EPHA5: variants seen among roughly 807,000 people sequenced by gnomAD.
EPHA5 encodes the protein EPH receptor A5.
A neutral mutation model predicts 105.0 loss-of-function variants in EPHA5; 60 were observed. The observed-to-expected ratio is 0.57, with a 90% CI of 0.46 to 0.71. The LOEUF (loss-of-function observed/expected upper bound fraction) is 0.71. Among genes scored for constraint, EPHA5 ranks in the 30% least tolerant of loss-of-function variants. The probability of loss-of-function intolerance (pLI) is 0.00; values close to 1 mark genes in which losing one functional copy is unlikely to be tolerated. For missense variants in EPHA5, 1,218 were observed against 1,274.7 expected (o/e 0.96, Z 0.68); for synonymous variants, 513 against 449.1 (o/e 1.14, Z -1.80).
At chr4:65,558,103 C>T (rs954629383) in intron 3 of EPHA5, among the ~76,000 whole-genome samples, 10 of 152,110 alleles carry the variant, frequency 6.6e-5, no homozygotes, top group African/African-American at 2.4e-4. Context: ...TCTCAAACTC[C>T]TGACCTCAGG....
rs190383055 is a variant in EPHA5, at chr4:65,514,762, A to G, written c.911-19219T>C. Among the ~76,000 whole-genome samples, 85 of 152,122 alleles carry G rather than the reference A, an allele frequency of 5.6e-4. 1 individual carries two copies. The highest frequency in any genetic ancestry group is 2.0e-3 in the African/African-American group (81 of 41,514). ...AAATCTCATGCCATCAAACTATATA[A>G]CCAATTCAATTCCTTGATGCTCCCC... is the stretch of plus-strand genomic sequence containing the variant. On this transcript the variant is annotated intron_variant, in intron 3 of 16. Coordinates refer to ENST00000613740, the MANE Select transcript of EPHA5 (RefSeq NM_001281766.3).
intron 16 of EPHA5, chr4:65,331,122 C>T: frequency 9.7e-7 from 1 of 1,035,356 alleles, no homozygotes; most frequent in South Asian, 4.6e-5. Flanking sequence ...TTTTCTAAAC[C>T]TTACAATATT....
At position 65,475,892 on chromosome 4, in the gene EPHA5, T is replaced by G. The variant is rs190206031; in HGVS notation, c.1402+14485A>C. Among the ~76,000 whole-genome samples, 194 of 152,244 alleles carry G rather than the reference T, an allele frequency of 1.3e-3. 1 individual carries two copies. The highest frequency in any genetic ancestry group is 4.7e-3 in the Admixed American group (72 of 15,286). On this transcript the variant is annotated intron_variant, in intron 5 of 16. Coordinates refer to ENST00000613740, the MANE Select transcript of EPHA5 (RefSeq NM_001281766.3). ...GCTCACAGGTGAGACAGAAAGAAGA[T>G]AGCATTAACAAAATCATTGCTGGTG...
At chr4:65,420,351 G>A (rs756350438) in intron 6 of EPHA5, 90 bp downstream of exon 6, 197 of 1,267,294 alleles carry the variant, frequency 1.6e-4, no homozygotes, top group Non-Finnish European at 2.0e-4. Flanking sequence ...ACATAAAATT[G>A]CAACATACTC....
intron 2 of EPHA5, among the ~76,000 whole-genome samples, chr4:65,622,420 T>G (rs1745783230): frequency 6.6e-6 from 1 of 151,758 alleles, no homozygotes; most frequent in Non-Finnish European, 1.5e-5. Flanking sequence ...ATGGCAGATT[T>G]GAAAAAAAAA....
intron 15 of EPHA5, 88 bp from the exon 16 acceptor site, chr4:65,332,216 A>C: frequency 9.4e-7 from 1 of 1,061,746 alleles, no homozygotes; most frequent in Admixed American, 3.3e-5. Flanking sequence ...TATTCAATGG[A>C]TCTTTGAGTC....
chr4:65,435,603 T>G (rs1481854554), intron 5 of EPHA5, among the ~76,000 whole-genome samples: 3 of 152,088 alleles, frequency 2.0e-5, no homozygotes, highest in Non-Finnish European at 2.9e-5. Flanking sequence ...TTGCACTGTC[T>G]TTTTCTTTTT....
At chr4:65,370,787 C>T (rs1449087567) in intron 8 of EPHA5, among the ~76,000 whole-genome samples, 1 of 152,106 alleles carries the variant, frequency 6.6e-6, no homozygotes, top group African/African-American at 2.4e-5. Flanking sequence ...CTATGGGCAT[C>T]TCTGGAGCTC....
At chr4:65,350,723 A>G (rs1722735385) in intron 13 of EPHA5, among the ~76,000 whole-genome samples, 1 of 152,124 alleles carries the variant, frequency 6.6e-6, no homozygotes, top group South Asian at 2.1e-4. Context: ...CAATACAGCA[A>G]GCAATTACTT....
Position 65,465,465 on chromosome 4 carries a change from GAA to G in EPHA5, c.1402+24910_1402+24911del, listed in dbSNP as rs59523171. ...GAAAGAAAGAAAGAAAGAAAAGAAA[GAA>G]AAAGAAAGAAAGAAAGAAAGAAAGA... On this transcript the variant is annotated intron_variant, in intron 5 of 16. Coordinates refer to ENST00000613740, the MANE Select transcript of EPHA5 (RefSeq NM_001281766.3). Among the ~76,000 whole-genome samples, 30 of 47,482 alleles carry G rather than the reference GAA, an allele frequency of 6.3e-4. 2 individuals are homozygous for G. The highest frequency in any genetic ancestry group is 2.3e-3 in the African/African-American group (27 of 11,788). The allele number at this position is 47,482 out of a possible 152,430, so 31.2% of individuals were successfully genotyped here.
chr4:65,628,525 C>T (rs999438960), intron 2 of EPHA5, among the ~76,000 whole-genome samples: 1 of 151,998 alleles, frequency 6.6e-6, no homozygotes, highest in Non-Finnish European at 1.5e-5. Context: ...TTATTTTGAT[C>T]ATAATAACCT....
intron 2 of EPHA5, among the ~76,000 whole-genome samples, chr4:65,621,597 G>T (rs1745709501): frequency 6.6e-6 from 1 of 152,094 alleles, no homozygotes; most frequent in Admixed American, 6.6e-5. Flanking sequence ...ACAAATAAAT[G>T]AAGGTACCAA....
intron 6 of EPHA5, 21 bp downstream of exon 6, chr4:65,420,420 T>A (rs776017920): frequency 1.9e-6 from 3 of 1,546,464 alleles, no homozygotes; most frequent in South Asian, 1.2e-5. Flanking sequence ...GTGAGGACAT[T>A]TTTTATTCTG....
intron 5 of EPHA5, among the ~76,000 whole-genome samples, chr4:65,489,183 C>T (rs567117838): frequency 3.4e-4 from 52 of 152,160 alleles, no homozygotes; most frequent in African/African-American, 1.2e-3. Context: ...GGGCGTGAGC[C>T]ACCGCGCCCA....
intron 2 of EPHA5, among the ~76,000 whole-genome samples, chr4:65,625,222 G>C (rs1020224567): frequency 6.6e-6 from 1 of 151,904 alleles, no homozygotes; most frequent in African/African-American, 2.4e-5. Context: ...CTATTGAATG[G>C]AATAATAGAC....
intron 11 of EPHA5, among the ~76,000 whole-genome samples, chr4:65,364,258 G>A (rs1717634547): frequency 6.6e-6 from 1 of 151,582 alleles, no homozygotes; most frequent in South Asian, 2.1e-4. Flanking sequence ...TATGTGTGTG[G>A]TGTAAGGAAT....
chr4:65,338,907 A>G (rs1298525858), intron 14 of EPHA5, among the ~76,000 whole-genome samples: 1 of 152,102 alleles, frequency 6.6e-6, no homozygotes, highest in Non-Finnish European at 1.5e-5. Flanking sequence ...TGTAACATAT[A>G]ACCAAATGAG....
At chr4:65,545,992 C>A (rs573099050) in intron 3 of EPHA5, among the ~76,000 whole-genome samples, 1 of 151,850 alleles carries the variant, frequency 6.6e-6, no homozygotes. Context: ...ATTTCCAGGC[C>A]ATAAGGTCTC....
intron 3 of EPHA5, among the ~76,000 whole-genome samples, chr4:65,580,626 T>C (rs146384588): frequency 4.0e-5 from 6 of 151,656 alleles, no homozygotes; most frequent in Non-Finnish European, 8.9e-5. Context: ...TAAAATAAAA[T>C]AAAAGCCCTC....
Sources: allele counts gnomAD v4.1 joint callset (sites outside exome capture counted in the v4.1 genomes callset), GRCh38; gene constraint gnomAD v4.1.1; transcripts MANE v1.5; gene names NCBI Gene and HGNC (gene_info 2026-07-23, HGNC 2026-07-21).